QSOX2: variants seen among roughly 807,000 people sequenced by gnomAD.
QSOX2 encodes quiescin sulfhydryl oxidase 2.
A neutral mutation model predicts 61.7 loss-of-function variants in QSOX2; 46 were observed. The ratio of observed to expected loss-of-function variants is 0.75; its 90% CI spans 0.59 to 0.95. The LOEUF (loss-of-function observed/expected upper bound fraction) is 0.95, where lower values mean the gene tolerates loss of function less well. Ranked by LOEUF, QSOX2 falls within the 40% of genes least tolerant of loss-of-function variation. The pLI is 0.00. For missense variants in QSOX2, 879 were observed against 918.9 expected (o/e 0.96, Z 0.56); for synonymous variants, 383 against 388.4 (o/e 0.99, Z 0.16).
chr9:136,239,577 GAATT>G, intron 1 of QSOX2, among the ~76,000 whole-genome samples: 1 of 152,386 alleles, frequency 6.6e-6, no homozygotes, highest in East Asian at 1.9e-4. Flanking sequence ...CCCGGAGCGT[GAATT>G]CACGCAGAGC....
At position 136,209,107 on chromosome 9, in the gene QSOX2, G is replaced by A. The variant is rs1446327135; in HGVS notation, c.1718C>T (p.Ala573Val). Residue 573 changes from alanine (A) to valine (V), a missense_variant, in exon 12 of 12, where the codon GCA becomes GTA. By Grantham distance (64) the Ala-to-Val change is moderately conservative. Transcript: ENST00000358701. This position sits in a 1 kb window ranked among gnomAD's most constrained non-coding sequence, Gnocchi z 5.6. ...TCCTTCACTGGAATCCCCCTGGTCT[G>A]CGGAATACGTGTCTAAGAGGTTGTC... Reference protein sequence around the residue: ...GRDNLLDTYSADQGDSSEGGT... With the variant: ...GRDNLLDTYSVDQGDSSEGGT... 2 of 1,614,156 alleles carry A rather than the reference G, an allele frequency of 1.2e-6. No individual in the cohort carries two copies. Among genetic ancestry groups the A allele is most frequent in the Admixed American group, 3.3e-5 (2 of 60,030 alleles).
intron 1 of QSOX2, among the ~76,000 whole-genome samples, chr9:136,233,689 A>C (rs1830352541): frequency 6.6e-6 from 1 of 152,216 alleles, no homozygotes; most frequent in African/African-American, 2.4e-5. Flanking sequence ...GGAGGGGAGA[A>C]GGGTTCCATG....
At chr9:136,217,289 A>G (rs1006837725) in intron 8 of QSOX2, among the ~76,000 whole-genome samples, 13 of 152,206 alleles carry the variant, frequency 8.5e-5, no homozygotes, top group Non-Finnish European at 1.9e-4. Flanking sequence ...CTGTCTTTTT[A>G]GGAGAAACTC....
chr9:136,211,233 G>A (rs1246629729), intron 11 of QSOX2, 31 bp downstream of exon 11: 1 of 1,608,160 alleles, frequency 6.2e-7, no homozygotes, highest in Non-Finnish European at 8.5e-7. Context: ...CTCCGCCCGT[G>A]CTGAGCCCCC....
chr9:136,210,308 C>G, intron 11 of QSOX2: 5 of 985,486 alleles, frequency 5.1e-6, no homozygotes, highest in Non-Finnish European at 6.0e-6. Flanking sequence ...GTGGGAATCT[C>G]AGGAGTGACA....
rs1293227034 is a variant in QSOX2, at chr9:136,208,993, G to A, written c.1832C>T (p.Pro611Leu). ...AGGCCTGGGGCCCAGTGCACCAGGT[G>A]GACGGACGCTCTGGGTGTCTCGGTC... Reference protein sequence around the residue: ...HGDRDTQSVRPPGALGPRPAL... With the variant: ...HGDRDTQSVRLPGALGPRPAL... The change falls in exon 12 of 12, where the codon CCA (proline) becomes CTA (leucine). Residue 611 changes from proline (P) to leucine (L), a missense_variant. Physicochemically the swap from Pro to Leu is moderately conservative, Grantham distance 98. Coordinates refer to ENST00000358701, the MANE Select transcript of QSOX2 (RefSeq NM_181701.4). 6.2e-7 allele frequency: 1 copy of A among 1,613,812 alleles called. No individual in the cohort carries two copies. Among genetic ancestry groups the A allele is most frequent in the Admixed American group, 1.7e-5 (1 of 60,008 alleles).
intron 10 of QSOX2, 76 bp from the exon 11 acceptor site, chr9:136,211,528 G>C (rs1191961383): frequency 7.4e-6 from 11 of 1,479,960 alleles, no homozygotes; most frequent in Non-Finnish European, 1.0e-5. Context: ...CAGAGAGCCT[G>C]GGGGGAAACC....
At chr9:136,211,722 G>A (rs529933345) in intron 10 of QSOX2, among the ~76,000 whole-genome samples, 1 of 152,326 alleles carries the variant, frequency 6.6e-6, no homozygotes, top group South Asian at 2.1e-4. Flanking sequence ...GTGCCAGGAG[G>A]ATGAGCCACG....
At chr9:136,219,966 C>T (rs1344321960) in intron 6 of QSOX2, among the ~76,000 whole-genome samples, 1 of 152,260 alleles carries the variant, frequency 6.6e-6, no homozygotes, top group Non-Finnish European at 1.5e-5. Context: ...GCACTCAGAG[C>T]ATCTCCCAAC....
rs1166290992 is a variant in QSOX2 at position 136,218,741 on chromosome 9, G to A, written c.1024C>T (p.His342Tyr). The change falls in exon 8 of 12, where the codon CAC (histidine) becomes TAC (tyrosine). Residue 342 changes from histidine to tyrosine, a missense_variant. His to Tyr is a moderately conservative substitution (Grantham distance 83). Coordinates refer to ENST00000358701, the MANE Select transcript of QSOX2 (RefSeq NM_181701.4). Reference sequence around the variant, plus strand: ...AGCTCTGCTCCGGCCAGGGACTTGTGGGCTGCCAGCTCCACCCGCAGGAGG... The same window carrying A: ...AGCTCTGCTCCGGCCAGGGACTTGTAGGCTGCCAGCTCCACCCGCAGGAGG... Reference protein sequence around the residue: ...HYLLRVELAAHKSLAGAELKT... With the variant: ...HYLLRVELAAYKSLAGAELKT... The A allele has an allele frequency of 6.2e-7, 1 of 1,613,658 alleles. No homozygotes were observed. The highest frequency in any genetic ancestry group is 1.1e-5 in the South Asian group (1 of 91,074).
rs1208859721 is a variant in QSOX2, at chr9:136,222,684, C to T, written c.676-743G>A. Among the ~76,000 whole-genome samples the T allele has an allele frequency of 2.6e-5, 4 of 152,226 alleles. No homozygotes were observed. Among genetic ancestry groups the T allele is most frequent in the Non-Finnish European group, 5.9e-5 (4 of 68,044 alleles). ...TGCCGTGACTCTGTGCTGAAGAGCA[C>T]TCCTCCTGCACGAGTGGAGCCTGGC... On this transcript the variant is annotated intron_variant, in intron 5 of 11. Coordinates refer to ENST00000358701, the MANE Select transcript of QSOX2 (RefSeq NM_181701.4). This position sits in a 1 kb window ranked among gnomAD's most constrained non-coding sequence, Gnocchi z 6.9.
intron 1 of QSOX2, among the ~76,000 whole-genome samples, chr9:136,242,452 T>C (rs986755652): frequency 2.6e-5 from 4 of 152,246 alleles, no homozygotes; most frequent in Non-Finnish European, 5.9e-5. Flanking sequence ...GCCCAAGCCA[T>C]GGCCTGTGTG....
At chr9:136,243,729 C>T (rs1830449845) in intron 1 of QSOX2, among the ~76,000 whole-genome samples, 2 of 152,234 alleles carry the variant, frequency 1.3e-5, no homozygotes, top group Admixed American at 6.5e-5. Context: ...CCAACAGGAC[C>T]CTCTGCCTGG....
chr9:136,211,227 G>C (rs375944980), intron 11 of QSOX2, 37 bp downstream of exon 11: 1 of 1,602,766 alleles, frequency 6.2e-7, no homozygotes, highest in Non-Finnish European at 8.5e-7. Flanking sequence ...GCCTCCCTCC[G>C]CCCGTGCTGA....
chr9:136,208,793 T>C lies in QSOX2; in HGVS notation c.2032A>G (p.Met678Val). The C allele has an allele frequency of 6.2e-7, 1 of 1,613,862 alleles. No homozygotes were observed. The highest frequency in any genetic ancestry group is 8.5e-7 in the Non-Finnish European group (1 of 1,179,986). Residue 678 changes from methionine (M) to valine (V), a missense_variant, in exon 12 of 12, where the codon ATG becomes GTG. Physicochemically the swap from Met to Val is conservative, Grantham distance 21. Transcript: ENST00000358701. ...GACCTCACCCGGAAGAAGAAGTACATCACCATGAGGAACAGGGATGAAGCC... is the reference window on the plus strand; with the variant it reads ...GACCTCACCCGGAAGAAGAAGTACACCACCATGAGGAACAGGGATGAAGCC... Reference protein sequence around the residue: ...YVASSLFLMVMYFFFRVRSRR... With the variant: ...YVASSLFLMVVYFFFRVRSRR...
chr9:136,212,648 T>G (rs1397401871), intron 10 of QSOX2, among the ~76,000 whole-genome samples: 1 of 152,150 alleles, frequency 6.6e-6, no homozygotes, highest in Non-Finnish European at 1.5e-5. Flanking sequence ...TGCCCTGCTC[T>G]CCTGCCGGGA....
chr9:136,219,618 G>A (rs1420924188), intron 6 of QSOX2, among the ~76,000 whole-genome samples: 2 of 152,094 alleles, frequency 1.3e-5, no homozygotes, highest in Non-Finnish European at 2.9e-5. Flanking sequence ...TGAGCTCCCT[G>A]CGTGCCCACC....
At chr9:136,245,032 G>T (rs1830459758) in intron 1 of QSOX2, among the ~76,000 whole-genome samples, 3 of 152,198 alleles carry the variant, frequency 2.0e-5, no homozygotes, top group Admixed American at 6.5e-5. Flanking sequence ...GATCCTCAGA[G>T]AACAGGAATT....
At position 136,221,737 on chromosome 9, in the gene QSOX2, A is replaced by G; in HGVS notation, c.821+59T>C. The G allele has an allele frequency of 6.6e-7, 1 of 1,509,470 alleles. No homozygotes were observed. The highest frequency in any genetic ancestry group is 1.4e-5 in the African/African-American group (1 of 71,904). The allele number at this position is 1,509,470 out of a possible 1,614,324, so 93.5% of individuals were successfully genotyped here. A position where few individuals can be genotyped will look rare whatever the true frequency, so the allele number is the denominator to read the frequency against. ...CACCAGACTTGCACTGTCTACTCGG[A>G]GCCTCTGTCCGGTAACTCCGAGCGG... is the stretch of plus-strand genomic sequence containing the variant. On this transcript the variant is annotated intron_variant, in intron 6 of 11. Coordinates refer to ENST00000358701, the MANE Select transcript of QSOX2 (RefSeq NM_181701.4). This position sits in a 1 kb window ranked among gnomAD's most constrained non-coding sequence, Gnocchi z 4.5.
Sources: allele counts gnomAD v4.1 joint callset (sites outside exome capture counted in the v4.1 genomes callset), GRCh38; gene constraint gnomAD v4.1.1; non-coding constraint Gnocchi (gnomAD v3.1); transcripts MANE v1.5; gene names NCBI Gene and HGNC (gene_info 2026-07-23, HGNC 2026-07-21).